BRINP3: variants seen among roughly 807,000 people sequenced by gnomAD.
BRINP3 encodes the protein BMP/retinoic acid-inducible neural-specific protein 3.
A neutral mutation model predicts 71.0 loss-of-function variants in BRINP3; 19 were observed. The ratio of observed to expected loss-of-function variants is 0.27; its 90% CI spans 0.19 to 0.39. The LOEUF is 0.39. BRINP3 is among the 10% of genes least tolerant of loss of function. The pLI is 1.00. For missense variants in BRINP3, 959 were observed against 940.8 expected (o/e 1.02, Z -0.25); for synonymous variants, 380 against 337.7 (o/e 1.13, Z -1.37).
intron 4 of BRINP3, among the ~76,000 whole-genome samples, chr1:190,247,086 C>T (rs1342455467): frequency 6.6e-6 from 1 of 151,878 alleles, no homozygotes; most frequent in African/African-American, 2.4e-5. Context: ...TTACAAATAA[C>T]CGTATTATAC....
intron 7 of BRINP3, among the ~76,000 whole-genome samples, chr1:190,129,999 A>C (rs953035603): frequency 6.6e-6 from 1 of 151,996 alleles, no homozygotes; most frequent in Non-Finnish European, 1.5e-5. Context: ...ACAAATAAAT[A>C]ATTTGCCAGT....
At chr1:190,134,686 A>G (rs1193982341) in intron 7 of BRINP3, among the ~76,000 whole-genome samples, 1 of 152,130 alleles carries the variant, frequency 6.6e-6, no homozygotes, top group Non-Finnish European at 1.5e-5. Flanking sequence ...TTTATTCCAG[A>G]GCAAATGGGT....
At chr1:190,384,291 G>T (rs1670741813) in intron 2 of BRINP3, among the ~76,000 whole-genome samples, 1 of 151,702 alleles carries the variant, frequency 6.6e-6, no homozygotes, top group South Asian at 2.1e-4. Context: ...ACAAAATAGG[G>T]TGAAGATAAT....
At chr1:190,408,209 T>A (rs1173859852) in intron 2 of BRINP3, among the ~76,000 whole-genome samples, 76 of 33,090 alleles carry the variant, frequency 2.3e-3, no homozygotes, top group African/African-American at 4.1e-3. Flanking sequence ...ATTTATTTTT[T>A]TTTTTTTTGT....
chr1:190,463,579 GT>G (rs891173019), intron 1 of BRINP3, among the ~76,000 whole-genome samples: 3 of 151,542 alleles, frequency 2.0e-5, no homozygotes, highest in Admixed American at 2.0e-4. Flanking sequence ...AATAAATAAG[GT>G]AATACATTAT....
intron 6 of BRINP3, among the ~76,000 whole-genome samples, chr1:190,184,689 G>A (rs1262772125): frequency 1.3e-5 from 2 of 152,032 alleles, no homozygotes; most frequent in East Asian, 3.9e-4. Context: ...TAAACTTTGG[G>A]CACTCATGTA....
At chr1:190,163,002 T>A (rs1219361656) in intron 6 of BRINP3, among the ~76,000 whole-genome samples, 1 of 152,104 alleles carries the variant, frequency 6.6e-6, no homozygotes, top group Non-Finnish European at 1.5e-5. Flanking sequence ...ACTAATGATG[T>A]GCAATATTTT....
chr1:190,462,274 A>G (rs1262178535), intron 1 of BRINP3, among the ~76,000 whole-genome samples: 2 of 152,166 alleles, frequency 1.3e-5, no homozygotes, highest in African/African-American at 4.8e-5. Context: ...ATTATTATTA[A>G]TTATTAGCTT....
chr1:190,418,085 A>G (rs1402635055), intron 2 of BRINP3, among the ~76,000 whole-genome samples: 2 of 152,286 alleles, frequency 1.3e-5, no homozygotes, highest in Non-Finnish European at 2.9e-5. Context: ...AATTCCTGAG[A>G]GATTTCAGCA....
intron 4 of BRINP3, among the ~76,000 whole-genome samples, chr1:190,251,296 T>C (rs1350312432): frequency 6.6e-6 from 1 of 151,982 alleles, no homozygotes; most frequent in East Asian, 1.9e-4. Context: ...GCACTTAATA[T>C]GTGCCAGGTA....
At chr1:190,366,177 G>A (rs1005279122) in intron 2 of BRINP3, among the ~76,000 whole-genome samples, 4 of 152,070 alleles carry the variant, frequency 2.6e-5, no homozygotes, top group Non-Finnish European at 5.9e-5. Flanking sequence ...GCCTGAGACT[G>A]AGTAATTTAT....
intron 2 of BRINP3, among the ~76,000 whole-genome samples, chr1:190,393,318 A>G (rs1671369134): frequency 6.6e-6 from 1 of 151,618 alleles, no homozygotes; most frequent in South Asian, 2.1e-4. Context: ...GGGTATTACT[A>G]TGCTAACCCA....
At chr1:190,356,243 A>G (rs1316336603) in intron 2 of BRINP3, among the ~76,000 whole-genome samples, 1 of 152,132 alleles carries the variant, frequency 6.6e-6, no homozygotes, top group South Asian at 2.1e-4. Context: ...CTTGAGATGA[A>G]GTGTATAGCT....
chr1:190,351,218 ATGTG>A (rs370905446), intron 2 of BRINP3, among the ~76,000 whole-genome samples: 1 of 151,468 alleles, frequency 6.6e-6, no homozygotes, highest in Non-Finnish European at 1.5e-5. Context: ...CACATTGTGT[ATGTG>A]TGTGTGTGTG....
intron 2 of BRINP3, among the ~76,000 whole-genome samples, chr1:190,305,158 C>G (rs1665008383): frequency 6.6e-6 from 1 of 151,760 alleles, no homozygotes. Context: ...TTATATACTG[C>G]TGGCATTAGT....
chr1:190,131,953 T>C (rs866540133), intron 7 of BRINP3, among the ~76,000 whole-genome samples: 13 of 152,192 alleles, frequency 8.5e-5, no homozygotes, highest in East Asian at 3.9e-4. Flanking sequence ...AGAAAACATA[T>C]GCAAAATGTG....
intron 2 of BRINP3, among the ~76,000 whole-genome samples, chr1:190,390,976 C>T (rs1200796438): frequency 6.6e-6 from 1 of 151,738 alleles, no homozygotes; most frequent in East Asian, 1.9e-4. Flanking sequence ...TAGAGTAATT[C>T]TGAAGTTCTC....
At chr1:190,387,952 C>T (rs1671017641) in intron 2 of BRINP3, among the ~76,000 whole-genome samples, 1 of 151,652 alleles carries the variant, frequency 6.6e-6, no homozygotes, top group Non-Finnish European at 1.5e-5. Context: ...CTATTGTGGT[C>T]AGAGCAATAT....
chr1:190,211,897 T>C (rs1428602602), intron 6 of BRINP3, among the ~76,000 whole-genome samples: 4 of 152,086 alleles, frequency 2.6e-5, no homozygotes, highest in Admixed American at 6.6e-5. Context: ...CATTGATAAG[T>C]CATAATGGAA....
Sources: gnomAD v4.1 joint callset for allele counts (sites outside exome capture counted in the v4.1 genomes callset) on GRCh38, gnomAD v4.1.1 for gene constraint, MANE v1.5 for transcripts, NCBI Gene and HGNC (gene_info 2026-07-23, HGNC 2026-07-21) for gene names.